Variants in ZP3 observed in about 807,000 individuals in gnomAD.
ZP3 encodes zona pellucida sperm-binding protein 3.
In ZP3, 21 loss-of-function variants were observed where a neutral mutation model predicts 35.6. The observed-to-expected ratio is 0.59, with a 90% confidence interval of 0.42 to 0.85. The LOEUF is 0.85. Among genes scored for constraint, ZP3 ranks in the 40% least tolerant of loss-of-function variants. ZP3 has a pLI of 0.00. For missense variants in ZP3, 437 were observed against 536.5 expected, an observed-to-expected ratio of 0.81 and a Z score of 1.83; for synonymous variants, 207 against 214.5, an observed-to-expected ratio of 0.96 and a Z score of 0.31.
chr7:76,423,027 GAAAGAAAGAAAGAAAGAAAGAA>G (rs796583567), upstream of ZP3, among the ~76,000 whole-genome samples: 18 of 69,030 alleles, frequency 2.6e-4, 1 homozygote, highest in East Asian at 5.8e-3. Context: ...GAGAGAGAGA[GAAAGAAAGAAAGAAAGAAAGAA>G]AGAAAGAAAG....
At chr7:76,422,031 G>A (rs1026935007), upstream of ZP3, among the ~76,000 whole-genome samples, 1 of 152,062 alleles carries the variant, frequency 6.6e-6, no homozygotes, top group African/African-American at 2.4e-5. Flanking sequence ...CAAGTAGCTG[G>A]GATTACAGGC....
At chr7:76,401,081 C>A in intron 1 of ZP3, 1 of 1,511,412 alleles carries the variant, frequency 6.6e-7, no homozygotes, top group Non-Finnish European at 8.9e-7. Context: ...CCCCTCTGCC[C>A]ACACCATGGC....
At chr7:76,417,319 A>C (rs1196874298) in intron 1 of ZP3, among the ~76,000 whole-genome samples, 1 of 151,068 alleles carries the variant, frequency 6.6e-6, no homozygotes, top group Non-Finnish European at 1.5e-5. Context: ...TCAGCCTCCC[A>C]AAGTACTGGG....
In ZP3 at chr7:76,435,402, G is replaced by C. The variant is rs1449796779; in HGVS notation, c.831+1247G>C. On this transcript the variant is annotated intron_variant, in intron 5 of 7. Coordinates refer to ENST00000394857, the MANE Select transcript of ZP3 (RefSeq NM_001110354.2). ...ACTCCTGACCTCAGGTGATCCGCCT[G>C]CCTCGGTCTCCCAAAGTGCTGGAAT... 5.3e-5 allele frequency among the ~76,000 whole-genome samples: 8 copies of C among 152,378 alleles called. No homozygotes were observed. In the East Asian group the frequency reaches 1.5e-3, roughly 29 times the overall value.
chr7:76,400,251 C>G, intron 1 of ZP3: 1 of 1,433,368 alleles, frequency 7.0e-7, no homozygotes, highest in Non-Finnish European at 9.2e-7. Flanking sequence ...CTGCCACAGT[C>G]TGTCTGTCCC....
chr7:76,423,474 C>T (rs1055031547), upstream of ZP3, among the ~76,000 whole-genome samples: 1 of 152,156 alleles, frequency 6.6e-6, no homozygotes, highest in African/African-American at 2.4e-5. Context: ...TTCAGCATTC[C>T]TTCCTGAGGT....
chr7:76,433,928 A>C, intron 4 of ZP3, 110 bp from the exon 5 acceptor site: 1 of 655,504 alleles, frequency 1.5e-6, no homozygotes, highest in Non-Finnish European at 2.7e-6. Context: ...CGAACTCCTG[A>C]CCTCAAGTGA....
chr7:76,427,199 T>G (rs944705615), intron 1 of ZP3, among the ~76,000 whole-genome samples: 1 of 152,112 alleles, frequency 6.6e-6, no homozygotes, highest in Admixed American at 6.6e-5. Flanking sequence ...TGGTGTGGTG[T>G]TTCCCAGTTT....
At chr7:76,436,196 C>T (rs1269143085) in intron 5 of ZP3, among the ~76,000 whole-genome samples, 1 of 151,808 alleles carries the variant, frequency 6.6e-6, no homozygotes, top group African/African-American at 2.4e-5. Flanking sequence ...AGATTGTAGG[C>T]ATACGCCACT....
At chr7:76,419,634 CT>C (rs1805457231) in intron 1 of ZP3, among the ~76,000 whole-genome samples, 8 of 150,808 alleles carry the variant, frequency 5.3e-5, no homozygotes, top group African/African-American at 2.0e-4. Flanking sequence ...CTTTCTTTTT[CT>C]TTCTTTCTTT....
upstream of ZP3, among the ~76,000 whole-genome samples, chr7:76,420,848 A>G (rs60425601): frequency 0.046 from 6,965 of 151,676 alleles, 483 homozygotes; most frequent in African/African-American, 0.15. Flanking sequence ...CTCTCCCTGT[A>G]TCTCTTTATA....
rs764043807 is a variant in ZP3 at position 76,433,124 on chromosome 7, T to TTTGGTTTTGGTTTTGGTTGGTTTTGG, written c.535+106_535+107insTTGGTTGGTTTTGGTTGGTTTTGGTT. On this transcript the variant is annotated intron_variant, in intron 3 of 7. Transcript: ENST00000394857. ...TGTGTCTTTTTTTTGTTTGTTTGGT[T>TTTGGTTTTGGTTTTGGTTGGTTTTGG]TTGGTTTTGGTTGGTTTTGGTTGGT... The TTTGGTTTTGGTTTTGGTTGGTTTTGG allele has an allele frequency of 2.4e-4, 159 of 673,588 alleles. 1 individual carries two copies. Among genetic ancestry groups the TTTGGTTTTGGTTTTGGTTGGTTTTGG allele is most frequent in the South Asian group, 7.2e-4 (38 of 52,830 alleles). 41.7% of individuals were successfully genotyped at this position (673,588 alleles called of 1,614,324 possible). A position where few individuals can be genotyped will look rare whatever the true frequency, so the allele number is the denominator to read the frequency against.
intron 7 of ZP3, among the ~76,000 whole-genome samples, chr7:76,441,486 T>G (rs1366060361): frequency 2.0e-5 from 3 of 151,848 alleles, no homozygotes; most frequent in Admixed American, 6.6e-5. Context: ...CCTCCCAGGT[T>G]CAAGCTATTC....
intron 1 of ZP3, among the ~76,000 whole-genome samples, chr7:76,403,784 C>G (rs1273216077): frequency 1.3e-5 from 2 of 151,984 alleles, no homozygotes; most frequent in Non-Finnish European, 2.9e-5. Flanking sequence ...GCCTCAGCCT[C>G]CTGAGTAGCT....
At chr7:76,400,687 T>G in intron 1 of ZP3, 1 of 1,309,522 alleles carries the variant, frequency 7.6e-7, no homozygotes, top group Non-Finnish European at 1.0e-6. Flanking sequence ...TTATTTTTTT[T>G]GGTAGAGACG....
intron 1 of ZP3, among the ~76,000 whole-genome samples, chr7:76,415,382 T>G (rs1466759128): frequency 3.7e-4 from 34 of 92,676 alleles, no homozygotes; most frequent in Non-Finnish European, 5.4e-4. Flanking sequence ...AAAAAAAAGG[T>G]CTGGAATGAT....
chr7:76,423,075 G>GA (rs1328267428), upstream of ZP3, among the ~76,000 whole-genome samples: 1 of 141,178 alleles, frequency 7.1e-6, no homozygotes, highest in Non-Finnish European at 1.5e-5. Flanking sequence ...AAGAAAGAAA[G>GA]AAAGAAAGAA....
intron 1 of ZP3, chr7:76,397,807 C>G (rs1307618726): frequency 6.3e-7 from 1 of 1,595,752 alleles, no homozygotes; most frequent in Non-Finnish European, 8.6e-7. Flanking sequence ...GGTTCGCGCC[C>G]CCTACCAGGC....
At chr7:76,426,124 G>T (rs1005667311) in intron 1 of ZP3, among the ~76,000 whole-genome samples, 9 of 151,954 alleles carry the variant, frequency 5.9e-5, no homozygotes, top group African/African-American at 2.2e-4. Context: ...TGGTATGGGG[G>T]CGGGGGCATC....
Sources: gnomAD v4.1 joint callset for allele counts (sites outside exome capture counted in the v4.1 genomes callset) on GRCh38, gnomAD v4.1.1 for gene constraint, MANE v1.5 for transcripts, NCBI Gene and HGNC (gene_info 2026-07-23, HGNC 2026-07-21) for gene names.